The following NRP1 variants were observed in gnomAD, a reference collection of about 807,000 sequenced individuals.
NRP1 encodes neuropilin 1.
Under a neutral mutation model 106.7 loss-of-function variants are expected in NRP1, and 35 were observed. The observed-to-expected ratio is 0.33, with a 90% CI of 0.25 to 0.43. The LOEUF (loss-of-function observed/expected upper bound fraction) is 0.43. Among genes scored for constraint, NRP1 ranks in the 20% least tolerant of loss-of-function variants. The pLI is 1.00. For missense variants in NRP1, 1,024 were observed against 1,170.4 expected, an observed-to-expected ratio of 0.87 and a Z score of 1.83; for synonymous variants, 437 against 417.9, an observed-to-expected ratio of 1.05 and a Z score of -0.56.
intron 13 of NRP1, among the ~76,000 whole-genome samples, chr10:33,186,927 A>T (rs998820366): frequency 1.3e-4 from 20 of 152,198 alleles, no homozygotes; most frequent in African/African-American, 4.8e-4. Context: ...GTGTGATCAT[A>T]GCTCATTGCA....
intron 9 of NRP1, among the ~76,000 whole-genome samples, chr10:33,210,330 T>G (rs2132778954): frequency 6.6e-6 from 1 of 152,310 alleles, no homozygotes; most frequent in Admixed American, 6.5e-5. Flanking sequence ...ATACTAATTA[T>G]AATGAAAATA....
At chr10:33,274,727 A>T (rs1300796212) in intron 2 of NRP1, among the ~76,000 whole-genome samples, 1 of 152,164 alleles carries the variant, frequency 6.6e-6, no homozygotes, top group Non-Finnish European at 1.5e-5. Flanking sequence ...ACATTCTCAC[A>T]TTATTAGGAA....
chr10:33,271,701 A>C (rs1433313180), intron 2 of NRP1, among the ~76,000 whole-genome samples: 2 of 152,232 alleles, frequency 1.3e-5, no homozygotes, highest in African/African-American at 4.8e-5. Flanking sequence ...ATATTACTAA[A>C]AAGTTAACAC....
intron 10 of NRP1, 149 bp from the exon 11 acceptor site, chr10:33,203,144 T>C (rs1386808651): frequency 1.4e-6 from 1 of 714,770 alleles, no homozygotes; most frequent in Non-Finnish European, 2.3e-6. Context: ...AGGAGCTAGA[T>C]ATACTTGGAT....
chr10:33,315,278 A>T (rs1846942914), intron 2 of NRP1, among the ~76,000 whole-genome samples: 1 of 152,252 alleles, frequency 6.6e-6, no homozygotes, highest in African/African-American at 2.4e-5. Flanking sequence ...TAGGGGGAAT[A>T]TGTAAGTCTG....
At chr10:33,232,704 G>A (rs1172214762) in intron 6 of NRP1, among the ~76,000 whole-genome samples, 5 of 139,642 alleles carry the variant, frequency 3.6e-5, no homozygotes, top group Admixed American at 1.5e-4. Context: ...GTGCAATGGC[G>A]AGATCTCAGC....
At chr10:33,220,792 T>A (rs1400956607) in intron 8 of NRP1, among the ~76,000 whole-genome samples, 1 of 147,482 alleles carries the variant, frequency 6.8e-6, no homozygotes, top group Non-Finnish European at 1.5e-5. Flanking sequence ...TACCAGCTAC[T>A]CAGGAGGCTG....
chr10:33,197,557 C>G, intron 12 of NRP1, 93 bp downstream of exon 12: 2 of 968,690 alleles, frequency 2.1e-6, no homozygotes, highest in Non-Finnish European at 3.1e-6. Flanking sequence ...ATCTCTCCTT[C>G]TAGGACTTTC....
rs748899944 is a variant in NRP1 at position 33,221,802 on chromosome 10, A to G, written c.1199T>C (p.Ile400Thr). The G allele has an allele frequency of 5.6e-6, 9 of 1,614,022 alleles. No homozygotes were observed. Among genetic ancestry groups the G allele is most frequent in the African/African-American group, 1.3e-5 (1 of 74,932 alleles). ...VVVAVFPKPL[I>T]TRFVRIKPAT... The stretch of plus-strand genomic sequence containing the variant: ...AGGCTTGATTCGGACAAATCGAGTT[A>G]TCAGTGGTTTGGGGAATACTGCAAC... The change falls in exon 8 of 17, where the codon ATA becomes ACA. Residue 400 changes from isoleucine to threonine, a missense_variant. This residue lies in a region of NRP1 where 562 missense variants were observed against 620.3 expected (regional missense o/e 0.91). Transcript: ENST00000374867.
At chr10:33,324,444 C>T (rs2132913366) in intron 2 of NRP1, among the ~76,000 whole-genome samples, 1 of 152,232 alleles carries the variant, frequency 6.6e-6, no homozygotes, top group South Asian at 2.1e-4. Context: ...AATTTGCTTG[C>T]ACATAAAATC....
intron 8 of NRP1, among the ~76,000 whole-genome samples, chr10:33,214,707 A>G (rs746057654): frequency 6.6e-6 from 1 of 152,180 alleles, no homozygotes; most frequent in Non-Finnish European, 1.5e-5. Flanking sequence ...CCCAACAAAA[A>G]AAGGACAAAT....
At chr10:33,193,803 T>G (rs1030003117) in intron 12 of NRP1, among the ~76,000 whole-genome samples, 4 of 152,200 alleles carry the variant, frequency 2.6e-5, no homozygotes, top group Admixed American at 2.6e-4. Flanking sequence ...TAGATAAGAA[T>G]GATTTACTTT....
rs558536486 is a variant in NRP1 at position 33,254,121 on chromosome 10, C to T, written c.888G>A (p.Gln296=). ...GCTCTGCAGACCAGTTGGTGCTATA[C>T]TGGGAAGAAGCTGTGATCTGGTCAG... is the stretch of plus-strand genomic sequence containing the variant. ...IHSDQITASS[Q]YSTNWSAERS... is the part of the protein sequence containing the mutation. The change falls in exon 6 of 17, where the codon CAG becomes CAA. Residue 296 remains glutamine (Q), a synonymous_variant. Transcript: ENST00000374867. 2.5e-6 allele frequency: 4 copies of T among 1,614,074 alleles called. No individual in the cohort carries two copies. Among genetic ancestry groups the T allele is most frequent in the Admixed American group, 3.3e-5 (2 of 60,000 alleles).
At chr10:33,208,770 T>C (rs547733016) in intron 9 of NRP1, among the ~76,000 whole-genome samples, 2 of 152,282 alleles carry the variant, frequency 1.3e-5, no homozygotes, top group South Asian at 4.1e-4. Context: ...TCCTATGATA[T>C]TGAAAAACCA....
chr10:33,332,978 C>A (rs1028450888), intron 1 of NRP1, among the ~76,000 whole-genome samples: 1 of 151,482 alleles, frequency 6.6e-6, no homozygotes, highest in Non-Finnish European at 1.5e-5. Flanking sequence ...CTTGTGAACA[C>A]CCCCACTATG....
At chr10:33,331,654 A>C (rs1244809121) in intron 1 of NRP1, among the ~76,000 whole-genome samples, 4 of 152,232 alleles carry the variant, frequency 2.6e-5, no homozygotes, top group Admixed American at 1.3e-4. Flanking sequence ...GGTAACCCAC[A>C]TTCTCACATT....
chr10:33,262,353 A>G (rs937205617), intron 4 of NRP1, among the ~76,000 whole-genome samples: 3 of 152,142 alleles, frequency 2.0e-5, no homozygotes, highest in African/African-American at 4.8e-5. Context: ...AGATGTCCAT[A>G]TGGCTATTTC....
At chr10:33,308,760 A>G (rs942636660) in intron 2 of NRP1, among the ~76,000 whole-genome samples, 1 of 152,178 alleles carries the variant, frequency 6.6e-6, no homozygotes, top group East Asian at 1.9e-4. Flanking sequence ...AAGTGCTGGG[A>G]TTACAGGTGT....
chr10:33,191,224 C>T (rs1836389232), intron 13 of NRP1, among the ~76,000 whole-genome samples: 1 of 152,090 alleles, frequency 6.6e-6, no homozygotes, highest in Non-Finnish European at 1.5e-5. Context: ...AGGAAGGGGG[C>T]AGATAATAGA....
Sources: allele counts gnomAD v4.1 joint callset (sites outside exome capture counted in the v4.1 genomes callset), GRCh38; gene constraint gnomAD v4.1.1; regional missense constraint gnomAD v4.1.1; transcripts MANE v1.5; gene names NCBI Gene and HGNC (gene_info 2026-07-23, HGNC 2026-07-21).